The following ZBTB7C variants were observed in gnomAD, a reference collection of about 807,000 sequenced individuals.
ZBTB7C encodes the protein zinc finger and BTB domain-containing protein 7C.
ZBTB7C carries 8 observed loss-of-function variants against 25.7 expected under a neutral mutation model. The observed-to-expected ratio is 0.31, with a 90% confidence interval of 0.18 to 0.56. The LOEUF (loss-of-function observed/expected upper bound fraction) is 0.56. Ranked by LOEUF, ZBTB7C falls within the 20% of genes least tolerant of loss-of-function variation. The probability of loss-of-function intolerance (pLI) is 0.91; values close to 1 mark genes in which losing one functional copy is unlikely to be tolerated. For missense variants in ZBTB7C, 824 were observed against 855.2 expected (o/e 0.96, Z 0.46); for synonymous variants, 394 against 369.0 (o/e 1.07, Z -0.78).
chr18:48,309,269 G>T (rs1260228724), intron 2 of ZBTB7C, among the ~76,000 whole-genome samples: 2 of 152,220 alleles, frequency 1.3e-5, no homozygotes, highest in East Asian at 3.8e-4. Flanking sequence ...TATGAAATAG[G>T]AGGGCTGGGT....
intron 2 of ZBTB7C, among the ~76,000 whole-genome samples, chr18:48,189,924 G>C (rs1422478289): frequency 6.6e-6 from 1 of 152,198 alleles, no homozygotes; most frequent in Non-Finnish European, 1.5e-5. Flanking sequence ...GCCTCTGCGG[G>C]GCAGATGCTC....
intron 2 of ZBTB7C, among the ~76,000 whole-genome samples, chr18:48,186,231 G>A (rs1187724175): frequency 2.0e-5 from 3 of 152,130 alleles, no homozygotes; most frequent in Admixed American, 1.3e-4. Flanking sequence ...CCTCCCCGGC[G>A]CTGTGCCAGT....
chr18:48,382,313 T>G (rs115384113), intron 1 of ZBTB7C, among the ~76,000 whole-genome samples: 1 of 152,324 alleles, frequency 6.6e-6, no homozygotes, highest in African/African-American at 2.4e-5. Context: ...TTATTGTTTT[T>G]CATACGTTTT....
intron 2 of ZBTB7C, among the ~76,000 whole-genome samples, chr18:48,320,009 C>G (rs1033041616): frequency 4.6e-5 from 7 of 151,746 alleles, no homozygotes; most frequent in Non-Finnish European, 8.8e-5. Flanking sequence ...CATTCCAGTG[C>G]AGGGAGATGA....
intron 1 of ZBTB7C, among the ~76,000 whole-genome samples, chr18:48,406,817 T>A (rs146946439): frequency 2.0e-5 from 3 of 152,240 alleles, no homozygotes; most frequent in African/African-American, 7.2e-5. Context: ...TTCATAAAAT[T>A]CTGCTGGACT....
At chr18:48,095,425 G>A (rs548254346) in intron 3 of ZBTB7C, among the ~76,000 whole-genome samples, 4 of 152,180 alleles carry the variant, frequency 2.6e-5, no homozygotes, top group Admixed American at 6.5e-5. Context: ...TTATTGGGCC[G>A]AGCACGGTGG....
At chr18:48,098,548 TAC>T (rs1186543977) in intron 3 of ZBTB7C, among the ~76,000 whole-genome samples, 1 of 152,200 alleles carries the variant, frequency 6.6e-6, no homozygotes, top group Non-Finnish European at 1.5e-5. Flanking sequence ...GCACCCTCTC[TAC>T]TGAATGTTAT....
intron 1 of ZBTB7C, among the ~76,000 whole-genome samples, chr18:48,389,368 CA>C (rs36028137): frequency 0.23 from 24,598 of 109,028 alleles, 2,698 homozygotes; most frequent in Non-Finnish European, 0.27. Context: ...AAAGATAGAC[CA>C]AAAAAAAAAA....
rs532007251 is a variant in ZBTB7C at position 48,169,261 on chromosome 18, C to T, written c.-17+16673G>A. Among the ~76,000 whole-genome samples, 91 of 152,212 alleles carry T rather than the reference C, an allele frequency of 6.0e-4. 4 individuals carry two copies. Among genetic ancestry groups the T allele is most frequent in the Non-Finnish European group, 1.9e-4 (13 of 68,034 alleles). The stretch of plus-strand genomic sequence containing the variant: ...CATAAAATGGGCACAGTACTCCTCA[C>T]CTCCCAGTCCCCTTGCCTTACCATT... On this transcript the variant is annotated intron_variant, in intron 3 of 4. Transcript: ENST00000590800.
At chr18:48,263,331 G>A (rs891036927) in intron 2 of ZBTB7C, among the ~76,000 whole-genome samples, 5 of 152,218 alleles carry the variant, frequency 3.3e-5, no homozygotes, top group Admixed American at 1.3e-4. Context: ...CGAGCAACTC[G>A]TGTGGGCAGG....
intron 3 of ZBTB7C, among the ~76,000 whole-genome samples, chr18:48,052,555 C>CT (rs992244503): frequency 1.3e-5 from 2 of 152,078 alleles, no homozygotes; most frequent in Non-Finnish European, 2.9e-5. Flanking sequence ...GCCCTGGGGA[C>CT]TTTACACCAG....
At chr18:48,043,287 A>G (rs1362454714) in intron 3 of ZBTB7C, among the ~76,000 whole-genome samples, 1 of 152,212 alleles carries the variant, frequency 6.6e-6, no homozygotes, top group Non-Finnish European at 1.5e-5. Context: ...CTCATACACA[A>G]ATGTTCATGG....
intron 1 of ZBTB7C, among the ~76,000 whole-genome samples, chr18:48,404,082 G>C (rs917332295): frequency 6.6e-6 from 1 of 152,062 alleles, no homozygotes; most frequent in Non-Finnish European, 1.5e-5. Context: ...GTAAAACCCC[G>C]TCTCTACTAA....
intron 1 of ZBTB7C, among the ~76,000 whole-genome samples, chr18:48,404,600 C>G (rs887446602): frequency 6.6e-6 from 1 of 152,200 alleles, no homozygotes; most frequent in African/African-American, 2.4e-5. Flanking sequence ...ATGAATGATG[C>G]TCCCAACATC....
intron 2 of ZBTB7C, among the ~76,000 whole-genome samples, chr18:48,284,975 T>C (rs1017757985): frequency 6.6e-5 from 10 of 152,192 alleles, no homozygotes; most frequent in South Asian, 2.1e-4. Context: ...CTTTTTATCA[T>C]TGAATTCTAG....
At chr18:48,051,969 C>G (rs1412511433) in intron 3 of ZBTB7C, among the ~76,000 whole-genome samples, 1 of 152,176 alleles carries the variant, frequency 6.6e-6, no homozygotes, top group African/African-American at 2.4e-5. Flanking sequence ...AAGTTGCACA[C>G]CTCTTTCATG....
chr18:48,387,913 G>T (rs575128265), intron 1 of ZBTB7C, among the ~76,000 whole-genome samples: 39 of 152,010 alleles, frequency 2.6e-4, no homozygotes, highest in Non-Finnish European at 5.1e-4. Flanking sequence ...TGCAACCTCC[G>T]CTTCCTGGGT....
At chr18:48,148,290 T>A (rs1050601772) in intron 3 of ZBTB7C, 7 of 151,496 alleles carry the variant, frequency 4.6e-5, no homozygotes, top group African/African-American at 1.7e-4. Flanking sequence ...ATTACAGGCG[T>A]GAGCCACCAC....
At chr18:48,234,846 A>C (rs866631651) in intron 2 of ZBTB7C, among the ~76,000 whole-genome samples, 1 of 152,094 alleles carries the variant, frequency 6.6e-6, no homozygotes, top group African/African-American at 2.4e-5. Flanking sequence ...GTAGCTCTGT[A>C]TTTCCTTTGT....
Sources: gnomAD v4.1 joint callset for allele counts (sites outside exome capture counted in the v4.1 genomes callset) on GRCh38, gnomAD v4.1.1 for gene constraint, MANE v1.5 for transcripts, NCBI Gene and HGNC (gene_info 2026-07-23, HGNC 2026-07-21) for gene names.